The following WAC variants were observed in gnomAD, a reference collection of about 807,000 sequenced individuals.
The protein encoded by WAC is WW domain containing adaptor with coiled-coil, also known as WW domain-containing adapter protein with coiled-coil.
Under a neutral mutation model 79.6 loss-of-function variants are expected in WAC, and 11 were observed. The observed-to-expected ratio is 0.14, with a 90% CI of 0.09 to 0.23. The LOEUF (loss-of-function observed/expected upper bound fraction) is 0.23. Among genes scored for constraint, WAC ranks in the 10% least tolerant of loss-of-function variants. The pLI, the probability that WAC is intolerant of heterozygous loss-of-function variation, is 1.00. For synonymous variants in WAC, 304 were observed against 276.9 expected, an observed-to-expected ratio of 1.10 and a Z score of -0.97; for missense variants, 728 against 773.5, an observed-to-expected ratio of 0.94 and a Z score of 0.70.
intron 3 of WAC, among the ~76,000 whole-genome samples, chr10:28,567,313 T>G (rs1436045505): frequency 2.0e-5 from 3 of 152,210 alleles, no homozygotes; most frequent in African/African-American, 2.4e-5. Flanking sequence ...TTGTGTGTGT[T>G]TGTTTTGAGT....
chr10:28,552,515 T>A (rs563082191), intron 3 of WAC, among the ~76,000 whole-genome samples: 10 of 152,212 alleles, frequency 6.6e-5, no homozygotes, highest in Non-Finnish European at 1.0e-4. Context: ...GTAGTTTTAC[T>A]TTAGAAGACC....
intron 4 of WAC, among the ~76,000 whole-genome samples, chr10:28,586,713 TAAAA>T (rs1839836934): frequency 6.6e-6 from 1 of 151,826 alleles, no homozygotes; most frequent in Non-Finnish European, 1.5e-5. Context: ...AAAGGTAAAA[TAAAA>T]AAATCATGGT....
At chr10:28,583,539 T>G in intron 4 of WAC, 34 bp downstream of exon 4, 1 of 1,344,940 alleles carries the variant, frequency 7.4e-7, no homozygotes. Context: ...TATGGTTTCT[T>G]TGGAATTTTT....
intron 3 of WAC, among the ~76,000 whole-genome samples, chr10:28,574,391 G>A (rs1023081027): frequency 1.3e-5 from 2 of 151,876 alleles, no homozygotes; most frequent in South Asian, 2.1e-4. Flanking sequence ...CGGGCAGTCC[G>A]CCTGCCTTGG....
chr10:28,551,343 A>G (rs565973300), intron 3 of WAC, among the ~76,000 whole-genome samples: 1 of 152,346 alleles, frequency 6.6e-6, no homozygotes, highest in East Asian at 1.9e-4. Context: ...TATCAGGGAA[A>G]AAAAAGAATG....
intron 3 of WAC, among the ~76,000 whole-genome samples, chr10:28,537,182 A>G (rs1180967464): frequency 2.6e-5 from 4 of 152,230 alleles, no homozygotes; most frequent in African/African-American, 9.6e-5. Context: ...ATGCAGATAA[A>G]CCACATTTTT....
chr10:28,592,657 A>G (rs368108699), intron 6 of WAC, among the ~76,000 whole-genome samples: 2 of 152,194 alleles, frequency 1.3e-5, no homozygotes, highest in Admixed American at 1.3e-4. Flanking sequence ...GATGAGTGAT[A>G]GATAAGTATA....
chr10:28,596,230 C>G (rs1840356628), intron 7 of WAC, among the ~76,000 whole-genome samples, 189 bp downstream of exon 7: 1 of 152,084 alleles, frequency 6.6e-6, no homozygotes, highest in Non-Finnish European at 1.5e-5. Context: ...TTATAATTAT[C>G]CAGCCTCAGA....
Position 28,608,389 on chromosome 10 carries a change from C to A in WAC, c.1123C>A (p.Gln375Lys). Residue 375 changes from glutamine to lysine, a missense_variant, in exon 8 of 14, where the codon CAG becomes AAG. Around this residue, in one of 3 missense-constraint regions of WAC, gnomAD observed 648 missense variants for 661.5 expected, o/e 0.98. Coordinates refer to ENST00000354911, the MANE Select transcript of WAC (RefSeq NM_016628.5). ...GCTTCCTGCTTTGCAAGCCACGCTGCAGCTTAATAATTCTAATGTGGACAT... is the reference window on the plus strand; with the variant it reads ...GCTTCCTGCTTTGCAAGCCACGCTGAAGCTTAATAATTCTAATGTGGACAT... ...QLLPALQATL[Q>K]LNNSNVDISK... 1 of 1,612,228 alleles carries A rather than the reference C, an allele frequency of 6.2e-7. No homozygotes were observed. Among genetic ancestry groups the A allele is most frequent in the African/African-American group, 1.3e-5 (1 of 74,974 alleles).
intron 3 of WAC, among the ~76,000 whole-genome samples, chr10:28,536,245 T>TA (rs5784067): frequency 2.0e-4 from 29 of 142,422 alleles, no homozygotes; most frequent in Non-Finnish European, 2.4e-4. Flanking sequence ...GAGACTCCAT[T>TA]AAAAAAAAAA....
At chr10:28,567,373 C>G (rs1838705407) in intron 3 of WAC, among the ~76,000 whole-genome samples, 1 of 152,106 alleles carries the variant, frequency 6.6e-6, no homozygotes, top group Admixed American at 6.5e-5. Flanking sequence ...CTGCGTCTTA[C>G]TCTTTTGGAC....
At chr10:28,587,110 A>C (rs1839858531) in intron 4 of WAC, among the ~76,000 whole-genome samples, 1 of 152,232 alleles carries the variant, frequency 6.6e-6, no homozygotes, top group African/African-American at 2.4e-5. Flanking sequence ...AAGAACGGAA[A>C]GGAAAGAAAA....
chr10:28,580,538 G>T (rs1432430381), intron 3 of WAC, among the ~76,000 whole-genome samples: 2 of 152,086 alleles, frequency 1.3e-5, no homozygotes, highest in African/African-American at 4.8e-5. Flanking sequence ...GTCTGAGTGG[G>T]GTATCTAACC....
chr10:28,596,181 T>TA, intron 7 of WAC, 140 bp downstream of exon 7: 4 of 915,090 alleles, frequency 4.4e-6, no homozygotes, highest in Non-Finnish European at 6.3e-6. Flanking sequence ...TGTGTAGAGT[T>TA]AGGTGTAGAG....
chr10:28,596,352 ATTGTC>A (rs1840363880), intron 7 of WAC, among the ~76,000 whole-genome samples: 2 of 152,120 alleles, frequency 1.3e-5, no homozygotes, highest in Admixed American at 1.3e-4. Context: ...TTTTGTGATC[ATTGTC>A]TTGACAGTTT....
intron 7 of WAC, among the ~76,000 whole-genome samples, chr10:28,596,671 A>C (rs922526553): frequency 1.3e-5 from 2 of 152,214 alleles, no homozygotes; most frequent in Non-Finnish European, 2.9e-5. Flanking sequence ...CAGTGTGATA[A>C]AATTTGCATA....
At chr10:28,611,751 T>A in intron 9 of WAC, 23 bp from the exon 10 acceptor site, 1 of 1,600,580 alleles carries the variant, frequency 6.2e-7, no homozygotes, top group Non-Finnish European at 8.5e-7. Context: ...TTCTTTAAAA[T>A]TAATTGCTTC....
At chr10:28,574,225 A>G (rs945327073) in intron 3 of WAC, among the ~76,000 whole-genome samples, 9 of 151,994 alleles carry the variant, frequency 5.9e-5, no homozygotes, top group Admixed American at 2.6e-4. Context: ...TCGGCTCACT[A>G]CAACCTCCGC....
At chr10:28,596,152 AAGT>A in intron 7 of WAC, 111 bp downstream of exon 7, 1 of 1,205,228 alleles carries the variant, frequency 8.3e-7, no homozygotes. Context: ...ATTTTTAAAA[AAGT>A]CTTTTAGAAT....
Sources: gnomAD v4.1 joint callset for allele counts (sites outside exome capture counted in the v4.1 genomes callset) on GRCh38, gnomAD v4.1.1 for gene constraint, gnomAD v4.1.1 regional missense constraint, MANE v1.5 for transcripts, NCBI Gene and HGNC (gene_info 2026-07-23, HGNC 2026-07-21) for gene names.